Variants in SFI1 observed in about 807,000 individuals in gnomAD.
SFI1 encodes protein SFI1 homolog.
SFI1 carries 195 observed loss-of-function variants against 207.5 expected under a neutral mutation model. The observed-to-expected ratio is 0.94, with a 90% CI of 0.84 to 1.06. The LOEUF is 1.06. Ranked by LOEUF, SFI1 falls within the 50% of genes least tolerant of loss-of-function variation. The pLI, the probability that SFI1 is intolerant of heterozygous loss-of-function variation, is 0.00. For missense variants in SFI1, 1,634 were observed against 1,588.0 expected (o/e 1.03, Z -0.49); for synonymous variants, 630 against 598.9 (o/e 1.05, Z -0.76).
At position 31,611,978 on chromosome 22, in the gene SFI1, C is replaced by T. The variant is rs1021636059; in HGVS notation, c.2490+138C>T. On this transcript the variant is annotated intron_variant, in intron 24 of 32. Transcript: ENST00000400288. Reference sequence around the variant, plus strand: ...ACCCTCCCCAGGGCCACCTCCTCTACCACCTTCCTGTCATTTCCAGGCACA... The same window carrying T: ...ACCCTCCCCAGGGCCACCTCCTCTATCACCTTCCTGTCATTTCCAGGCACA... 4.8e-6 allele frequency: 7 copies of T among 1,443,994 alleles called. No individual in the cohort carries two copies. In the African/African-American group the frequency reaches 5.7e-5, roughly 12 times the overall value. 89.4% of individuals were successfully genotyped at this position (1,443,994 alleles called of 1,614,324 possible).
intron 2 of SFI1, among the ~76,000 whole-genome samples, chr22:31,510,548 C>T (rs369611014): frequency 2.6e-5 from 4 of 152,080 alleles, no homozygotes; most frequent in African/African-American, 9.7e-5. Context: ...ATTCTCCTGC[C>T]TCAGCCTCCC....
Position 31,618,520 on chromosome 22 carries a change from T to C in SFI1, c.*102T>C. On this transcript the variant is annotated 3_prime_UTR_variant, in exon 33 of 33. Transcript: ENST00000400288. ...AAGTTTGATTTTTTTTATTTCAAAA[T>C]GCTTTGCAATTAAATGAATTACTGT... 2 of 1,171,400 alleles carry C rather than the reference T, an allele frequency of 1.7e-6. No homozygotes were observed. The allele number at this position is 1,171,400 out of a possible 1,614,324, so 72.6% of individuals were successfully genotyped here.
chr22:31,617,136 G>A (rs1308528597), intron 31 of SFI1, 58 bp downstream of exon 31: 9 of 1,578,698 alleles, frequency 5.7e-6, no homozygotes, highest in Admixed American at 1.7e-5. Flanking sequence ...TGCCTGGAGA[G>A]GTGGGCAGGC....
intron 11 of SFI1, 142 bp downstream of exon 11, chr22:31,578,594 G>T: frequency 1.6e-6 from 1 of 641,590 alleles, no homozygotes; most frequent in Non-Finnish European, 2.6e-6. Context: ...CTTTCATTGT[G>T]GGTGTCCTTC....
intron 19 of SFI1, 75 bp downstream of exon 19, chr22:31,604,479 T>G (rs1352363560): frequency 2.4e-6 from 3 of 1,266,804 alleles, no homozygotes; most frequent in Non-Finnish European, 3.2e-6. Context: ...TTTCCTTCCT[T>G]GTTCTTCCTG....
At chr22:31,554,727 C>T (rs1306242460) in intron 6 of SFI1, among the ~76,000 whole-genome samples, 1 of 151,756 alleles carries the variant, frequency 6.6e-6, no homozygotes, top group African/African-American at 2.4e-5. Context: ...TTGCCTCAGA[C>T]TACTGAGTAG....
chr22:31,527,630 G>A (rs557196699), intron 2 of SFI1, among the ~76,000 whole-genome samples: 5 of 152,276 alleles, frequency 3.3e-5, no homozygotes, highest in African/African-American at 9.6e-5. Flanking sequence ...GTGTTTGTGT[G>A]TACATACGTG....
intron 2 of SFI1, 39 bp downstream of exon 2, chr22:31,508,415 G>A (rs1235828774): frequency 2.2e-6 from 3 of 1,378,332 alleles, no homozygotes; most frequent in Admixed American, 1.7e-5. Flanking sequence ...TAACTGGAAT[G>A]ATGGTTCATA....
chr22:31,536,767 T>C (rs1296222814), intron 4 of SFI1, among the ~76,000 whole-genome samples: 1 of 152,220 alleles, frequency 6.6e-6, no homozygotes. Flanking sequence ...CATATTTGAC[T>C]GGGAACCTCT....
At chr22:31,545,574 A>AATTTT (rs796805483) in intron 4 of SFI1, among the ~76,000 whole-genome samples, 6,802 of 130,998 alleles carry the variant, frequency 0.052, 187 homozygotes, top group South Asian at 0.11. Context: ...AATTTAATTT[A>AATTTT]ATTTAATTTA....
rs567873633 is a variant in SFI1 at position 31,603,590 on chromosome 22, T to C, written c.1806-154T>C. ...CAAAATTTGATCATAGGTGCTTTTTTCTGAGACTGCAAGTTCTTTGGCAGC... is the reference window on the plus strand; with the variant it reads ...CAAAATTTGATCATAGGTGCTTTTTCCTGAGACTGCAAGTTCTTTGGCAGC... On this transcript the variant is annotated intron_variant, in intron 17 of 32. Coordinates refer to ENST00000400288, the MANE Select transcript of SFI1 (RefSeq NM_001007467.3). 2.6e-5 allele frequency among the ~76,000 whole-genome samples: 4 copies of C among 152,334 alleles called. No homozygotes were observed. The East Asian group carries it at 7.7e-4, about 29-fold the overall frequency.
chr22:31,582,206 T>TTATATA (rs1569376532), intron 12 of SFI1, among the ~76,000 whole-genome samples: 2 of 36,602 alleles, frequency 5.5e-5, no homozygotes, highest in African/African-American at 2.3e-4. Flanking sequence ...TTATTACATT[T>TTATATA]TATATATATA....
intron 10 of SFI1, 40 bp downstream of exon 10, chr22:31,575,432 A>G (rs765397613): frequency 6.5e-7 from 1 of 1,537,076 alleles, no homozygotes; most frequent in South Asian, 1.3e-5. Flanking sequence ...TGCCTCAGCC[A>G]GGACAGCATG....
intron 19 of SFI1, 160 bp downstream of exon 19, chr22:31,604,564 G>A: frequency 3.1e-6 from 2 of 652,942 alleles, no homozygotes; most frequent in Non-Finnish European, 5.1e-6. Context: ...TAGGCCATAG[G>A]GTTCTTTGAT....
intron 1 of SFI1, among the ~76,000 whole-genome samples, chr22:31,499,712 T>C (rs1170576207): frequency 1.3e-5 from 2 of 152,176 alleles, no homozygotes; most frequent in Non-Finnish European, 2.9e-5. Flanking sequence ...CACACATCAC[T>C]ATTGTCTTAT....
chr22:31,602,428 A>G, intron 16 of SFI1, 135 bp downstream of exon 16: 1 of 1,147,496 alleles, frequency 8.7e-7, no homozygotes, highest in South Asian at 1.3e-5. Flanking sequence ...GAGGCAGGGC[A>G]GGCTCTGGGG....
At chr22:31,611,423 G>A in intron 23 of SFI1, 120 bp downstream of exon 23, 1 of 1,304,076 alleles carries the variant, frequency 7.7e-7, no homozygotes, top group South Asian at 1.5e-5. Context: ...CGGTATGAGT[G>A]GTGGGTGGTT....
At chr22:31,595,563 A>C (rs1451346501) in intron 15 of SFI1, among the ~76,000 whole-genome samples, 1 of 152,210 alleles carries the variant, frequency 6.6e-6, no homozygotes, top group Admixed American at 6.5e-5. Context: ...GATCTTTTTG[A>C]TGACTTTGTA....
intron 15 of SFI1, among the ~76,000 whole-genome samples, chr22:31,593,347 C>A (rs1200998771): frequency 7.2e-6 from 1 of 139,456 alleles, no homozygotes; most frequent in African/African-American, 2.7e-5. Flanking sequence ...GCGCTCCTCA[C>A]ATCCCAGATG....
Sources: allele counts gnomAD v4.1 joint callset (sites outside exome capture counted in the v4.1 genomes callset), GRCh38; gene constraint gnomAD v4.1.1; transcripts MANE v1.5; gene names NCBI Gene and HGNC (gene_info 2026-07-23, HGNC 2026-07-21).